The following FGD5 variants were observed in gnomAD, a reference collection of about 807,000 sequenced individuals.
FGD5 encodes FYVE, RhoGEF and PH domain-containing protein 5.
A neutral mutation model predicts 133.4 loss-of-function variants in FGD5; 28 were observed. The ratio of observed to expected loss-of-function variants is 0.21; its 90% CI spans 0.16 to 0.29. The LOEUF is 0.29. Among genes scored for constraint, FGD5 ranks in the 10% least tolerant of loss-of-function variants. FGD5 has a pLI of 1.00. For synonymous variants in FGD5, 810 were observed against 776.5 expected (o/e 1.04, Z -0.72); for missense variants, 1,858 against 1,895.2 (o/e 0.98, Z 0.36).
intron 1 of FGD5, among the ~76,000 whole-genome samples, chr3:14,843,729 C>T (rs1319310507): frequency 8.6e-5 from 11 of 127,928 alleles, no homozygotes; most frequent in South Asian, 2.6e-4. Context: ...CTCATTCTGT[C>T]GCCCAGGCTG....
chr3:14,826,721 G>T (rs2036606627), intron 1 of FGD5, among the ~76,000 whole-genome samples: 1 of 152,142 alleles, frequency 6.6e-6, no homozygotes, highest in Non-Finnish European at 1.5e-5. Context: ...AACCTGGGAG[G>T]GAGAATCTCG....
upstream of FGD5, among the ~76,000 whole-genome samples, chr3:14,816,460 A>C (rs1404217989): frequency 6.6e-6 from 1 of 152,206 alleles, no homozygotes; most frequent in Non-Finnish European, 1.5e-5. Context: ...AAGGCCTGCT[A>C]TTGAGCCCTT....
At chr3:14,811,906 C>T (rs1232068339) in intron 1 of FGD5, among the ~76,000 whole-genome samples, 1 of 152,070 alleles carries the variant, frequency 6.6e-6, no homozygotes, top group Non-Finnish European at 1.5e-5. Flanking sequence ...GCCCGCTCCC[C>T]GACCAACACC....
chr3:14,909,349 T>C (rs1264663729), intron 10 of FGD5, among the ~76,000 whole-genome samples: 2 of 152,214 alleles, frequency 1.3e-5, no homozygotes, highest in Non-Finnish European at 2.9e-5. Flanking sequence ...TACGAACATA[T>C]ATAATTTTGC....
At chr3:14,899,455 C>G (rs935148115) in intron 7 of FGD5, among the ~76,000 whole-genome samples, 4 of 152,178 alleles carry the variant, frequency 2.6e-5, no homozygotes, top group Non-Finnish European at 5.9e-5. Context: ...ATTCAGCTGC[C>G]TCCCAAATAG....
At chr3:14,817,086 A>G (rs73814182), upstream of FGD5, among the ~76,000 whole-genome samples, 2 of 152,240 alleles carry the variant, frequency 1.3e-5, no homozygotes, top group African/African-American at 4.8e-5. Context: ...TGGGACACTT[A>G]GTATGAAAAA....
chr3:14,851,132 C>T (rs918585885), intron 1 of FGD5, among the ~76,000 whole-genome samples: 17 of 145,454 alleles, frequency 1.2e-4, no homozygotes, highest in South Asian at 4.6e-4. Flanking sequence ...GGTCTGTAAG[C>T]GTTGAGGAGC....
chr3:14,929,203 T>G (rs1442452515), intron 18 of FGD5, among the ~76,000 whole-genome samples: 1 of 152,266 alleles, frequency 6.6e-6, no homozygotes, highest in Non-Finnish European at 1.5e-5. Context: ...CTGAGTAGTC[T>G]TCCATTTTGT....
At position 14,918,754 on chromosome 3, in the gene FGD5, G is replaced by A; in HGVS notation, c.3490G>A (p.Val1164Ile). The A allele has an allele frequency of 6.2e-7, 1 of 1,613,968 alleles. No homozygotes were observed. Among genetic ancestry groups the A allele is most frequent in the South Asian group, 1.1e-5 (1 of 91,082 alleles). The change falls in exon 13 of 20, where the codon GTC becomes ATC. Residue 1164 changes from valine to isoleucine, a missense_variant and splice_region_variant. Coordinates refer to ENST00000285046, the MANE Select transcript of FGD5 (RefSeq NM_152536.4). ...KNTLAVANMK[V>I]SRPVMEKVPY... ...AAGGAGGCTGCTGTTGGTTTTCCAGGTCAGCCGCCCTGTGATGGAGAAAGT... is the reference window on the plus strand; with the variant it reads ...AAGGAGGCTGCTGTTGGTTTTCCAGATCAGCCGCCCTGTGATGGAGAAAGT...
upstream of FGD5, among the ~76,000 whole-genome samples, chr3:14,817,630 T>C (rs1352385364): frequency 6.6e-6 from 1 of 152,222 alleles, no homozygotes; most frequent in Non-Finnish European, 1.5e-5. Context: ...ACACTGGGCC[T>C]AACATGAGTG....
intron 4 of FGD5, among the ~76,000 whole-genome samples, chr3:14,892,254 T>C (rs1575236685): frequency 6.6e-6 from 1 of 151,784 alleles, no homozygotes; most frequent in African/African-American, 2.4e-5. Context: ...CAGGCTGGAG[T>C]GTAGTGGCGC....
rs2038438291 is a variant in FGD5 at position 14,911,006 on chromosome 3, A to G, written c.3405+77A>G. 3.6e-6 allele frequency: 5 copies of G among 1,398,608 alleles called. No homozygotes were observed. The South Asian group carries it at 6.2e-5, about 17-fold the overall frequency. 86.6% of individuals were successfully genotyped at this position (1,398,608 alleles called of 1,614,324 possible). ...TTTTCTAGGGCCATTATTCAAGGAC[A>G]AGTGGAATAGGGTGAGAGGAGAGTA... is the stretch of plus-strand genomic sequence containing the variant. On this transcript the variant is annotated intron_variant, in intron 11 of 19. Transcript: ENST00000285046.
At chr3:14,912,091 C>A (rs1219474860) in intron 11 of FGD5, among the ~76,000 whole-genome samples, 3 of 151,954 alleles carry the variant, frequency 2.0e-5, no homozygotes, top group Admixed American at 1.3e-4. Context: ...GCAGCCAGAC[C>A]CTTCTGCTCG....
intron 2 of FGD5, among the ~76,000 whole-genome samples, chr3:14,869,363 T>C (rs997528228): frequency 5.9e-5 from 9 of 152,094 alleles, no homozygotes; most frequent in Non-Finnish European, 8.8e-5. Flanking sequence ...GGAACAGAGC[T>C]CCTGGGATTG....
intron 1 of FGD5, among the ~76,000 whole-genome samples, chr3:14,826,539 C>G (rs1157335005): frequency 2.0e-5 from 3 of 152,194 alleles, no homozygotes; most frequent in Non-Finnish European, 4.4e-5. Context: ...ACCTCAGTGT[C>G]CTTATCTGTA....
intron 16 of FGD5, among the ~76,000 whole-genome samples, chr3:14,923,715 G>A (rs1434546988): frequency 6.6e-6 from 1 of 152,164 alleles, no homozygotes; most frequent in Non-Finnish European, 1.5e-5. Flanking sequence ...TCTTTCCCTG[G>A]CCTCCACTCC....
chr3:14,905,732 T>G (rs1488355951), intron 9 of FGD5, among the ~76,000 whole-genome samples: 1 of 152,130 alleles, frequency 6.6e-6, no homozygotes, highest in Non-Finnish European at 1.5e-5. Context: ...CTTCAAGGTC[T>G]GATGGCTCAG....
At chr3:14,827,936 G>A (rs1209414768) in intron 1 of FGD5, among the ~76,000 whole-genome samples, 1 of 152,198 alleles carries the variant, frequency 6.6e-6, no homozygotes, top group East Asian at 1.9e-4. Context: ...GCCAGCCCAG[G>A]GTTGTTACAG....
chr3:14,909,093 C>T (rs1387652126), intron 10 of FGD5, among the ~76,000 whole-genome samples: 4 of 151,718 alleles, frequency 2.6e-5, no homozygotes, highest in African/African-American at 4.8e-5. Flanking sequence ...CTCAGCCTCC[C>T]GAATAGCTGG....
Sources: allele counts gnomAD v4.1 joint callset (sites outside exome capture counted in the v4.1 genomes callset), GRCh38; gene constraint gnomAD v4.1.1; transcripts MANE v1.5; gene names NCBI Gene and HGNC (gene_info 2026-07-23, HGNC 2026-07-21).